Variants in MROH2B observed in about 807,000 individuals in gnomAD.
MROH2B encodes the protein maestro heat like repeat family member 2B.
MROH2B carries 177 observed loss-of-function variants against 208.6 expected under a neutral mutation model. That is an observed-to-expected ratio of 0.85 (90% CI 0.75 to 0.96). The LOEUF (loss-of-function observed/expected upper bound fraction) is 0.96. MROH2B is among the 40% of genes least tolerant of loss of function. The pLI is 0.00. For synonymous variants in MROH2B, 728 were observed against 659.0 expected (o/e 1.10, Z -1.60); for missense variants, 2,002 against 1,878.7 (o/e 1.07, Z -1.21).
intron 22 of MROH2B, 27 bp downstream of exon 22, chr5:41,033,811 A>C (rs200391884): frequency 9.9e-7 from 1 of 1,011,452 alleles, no homozygotes; most frequent in Non-Finnish European, 1.3e-6. Context: ...CTATCTATCT[A>C]TCTATCTATC....
At chr5:41,045,664 G>T in intron 18 of MROH2B, 82 bp downstream of exon 18, 4 of 979,812 alleles carry the variant, frequency 4.1e-6, no homozygotes, top group Non-Finnish European at 3.2e-6. Flanking sequence ...CCCTTTGATT[G>T]TGATACAGAC....
chr5:41,039,017 T>A, intron 20 of MROH2B, 129 bp from the exon 21 acceptor site: 1 of 802,684 alleles, frequency 1.2e-6, no homozygotes, highest in Non-Finnish European at 1.9e-6. Context: ...CGAATAAGTC[T>A]AAAATGAATA....
intron 4 of MROH2B, among the ~76,000 whole-genome samples, chr5:41,064,830 T>C (rs1743752952): frequency 6.6e-6 from 1 of 152,176 alleles, no homozygotes; most frequent in South Asian, 2.1e-4. Context: ...AGTCGCTTAT[T>C]TGGAAGGCAG....
chr5:41,014,756 G>T (rs1741883384), intron 29 of MROH2B, among the ~76,000 whole-genome samples: 1 of 152,054 alleles, frequency 6.6e-6, no homozygotes, highest in South Asian at 2.1e-4. Context: ...ATATTTCCAT[G>T]ATTATCTCTT....
intron 5 of MROH2B, among the ~76,000 whole-genome samples, chr5:41,063,975 T>A (rs1031297186): frequency 2.6e-5 from 4 of 152,242 alleles, no homozygotes; most frequent in African/African-American, 9.6e-5. Context: ...GTAGTTTGAT[T>A]ACTTTGTTTA....
chr5:41,019,002 G>C lies in MROH2B; in HGVS notation c.2458C>G (p.Leu820Val), dbSNP rs774867563. 14 of 1,613,754 alleles carry C rather than the reference G, an allele frequency of 8.7e-6. No homozygotes were observed. Among genetic ancestry groups the C allele is most frequent in the African/African-American group, 1.3e-5 (1 of 74,912 alleles). ...ATGTTAAGGTGGTCTTGTAGTGAGA[G>C]CTGAGGTTTCAGTTTACTGAAATGA... ...IRYLSKLKPQLSLQDHLNILE... is the reference protein window; with the variant it reads ...IRYLSKLKPQVSLQDHLNILE... Residue 820 changes from leucine (L) to valine (V), a missense_variant, in exon 25 of 42, where the codon CTC becomes GTC. By Grantham distance (32) the Leu-to-Val change is conservative (BLOSUM62 1). Transcript: ENST00000399564.
intron 24 of MROH2B, among the ~76,000 whole-genome samples, chr5:41,030,928 T>A (rs562396656): frequency 3.4e-4 from 52 of 152,146 alleles, no homozygotes; most frequent in African/African-American, 1.2e-3. Context: ...TAACAAAAAC[T>A]AAAAACTAAG....
chr5:41,034,445 C>T (rs888389644), intron 21 of MROH2B, among the ~76,000 whole-genome samples: 5 of 152,208 alleles, frequency 3.3e-5, no homozygotes, highest in South Asian at 4.1e-4. Flanking sequence ...AAAGCACGCA[C>T]GTGCACACAC....
chr5:41,028,819 G>C (rs1742468742), intron 24 of MROH2B, among the ~76,000 whole-genome samples: 1 of 152,062 alleles, frequency 6.6e-6, no homozygotes, highest in African/African-American at 2.4e-5. Context: ...AGCCATAGGG[G>C]TACAAGTGGT....
chr5:41,008,338 T>C (rs552053927), intron 33 of MROH2B, among the ~76,000 whole-genome samples: 1 of 152,192 alleles, frequency 6.6e-6, no homozygotes, highest in African/African-American at 2.4e-5. Flanking sequence ...ATCTCAATGA[T>C]AGAAACCAAA....
chr5:41,029,875 T>G (rs1561288914), intron 24 of MROH2B, among the ~76,000 whole-genome samples: 1 of 152,010 alleles, frequency 6.6e-6, no homozygotes, highest in Admixed American at 6.6e-5. Context: ...ACTACCTGGG[T>G]GACAGATTCA....
intron 2 of MROH2B, among the ~76,000 whole-genome samples, chr5:41,069,414 A>G (rs1743913396): frequency 6.6e-6 from 1 of 152,192 alleles, no homozygotes; most frequent in Non-Finnish European, 1.5e-5. Flanking sequence ...CATGTTTGTA[A>G]GTCTGACATA....
At chr5:41,019,077 T>C in intron 24 of MROH2B, 59 bp from the exon 25 acceptor site, 1 of 1,597,940 alleles carries the variant, frequency 6.3e-7, no homozygotes, top group Non-Finnish European at 8.6e-7. Flanking sequence ...ACATACCCAG[T>C]GGAATTCCCA....
chr5:41,000,008 T>C, intron 39 of MROH2B: 1 of 701,098 alleles, frequency 1.4e-6, no homozygotes, highest in South Asian at 2.0e-5. Flanking sequence ...CCAAGGAGAA[T>C]ATATCCCAGT....
chr5:41,033,976 G>T, intron 21 of MROH2B, 112 bp from the exon 22 acceptor site: 1 of 1,415,476 alleles, frequency 7.1e-7, no homozygotes, highest in Non-Finnish European at 9.4e-7. Flanking sequence ...AAAGCAGGAG[G>T]TAGAGCCTTG....
chr5:41,056,122 G>A (rs1232535779), intron 9 of MROH2B, among the ~76,000 whole-genome samples: 3 of 152,180 alleles, frequency 2.0e-5, no homozygotes, highest in African/African-American at 7.2e-5. Context: ...ATATAATGAA[G>A]TTAAGAAGGT....
At chr5:41,022,978 G>A (rs62357108) in intron 24 of MROH2B, among the ~76,000 whole-genome samples, 23,051 of 152,140 alleles carry the variant, frequency 0.15, 1,831 homozygotes, top group East Asian at 0.26. Context: ...CTGCAGCTGA[G>A]GGTCCTGACT....
In MROH2B at chr5:41,048,399, G is replaced by A. The variant is rs1347760552; in HGVS notation, c.1609C>T (p.Leu537=). The part of the protein sequence containing the change: ...GAGAIGLLKI[L]PEIIHPKLVD... ...AATTTTGGGTGAATTATCTCAGGCA[G>A]TATCTTCAAAAGCCCTATTGCACCA... The change falls in exon 16 of 42, where the codon CTG becomes TTG. Residue 537 remains leucine, a synonymous_variant. Transcript: ENST00000399564. 6.2e-7 allele frequency: 1 copy of A among 1,613,626 alleles called. No individual in the cohort carries two copies.
intron 30 of MROH2B, 139 bp downstream of exon 30, chr5:41,012,444 T>C: frequency 1.3e-6 from 1 of 757,842 alleles, no homozygotes; most frequent in Non-Finnish European, 2.0e-6. Context: ...ACACACAACG[T>C]AGGTCTCTAA....
Sources: allele counts gnomAD v4.1 joint callset (sites outside exome capture counted in the v4.1 genomes callset), GRCh38; gene constraint gnomAD v4.1.1; transcripts MANE v1.5; gene names NCBI Gene and HGNC (gene_info 2026-07-23, HGNC 2026-07-21).